Variants in RYR2 observed in about 807,000 individuals in gnomAD.
RYR2 encodes cardiac muscle ryanodine receptor-calcium release channel.
In RYR2, 227 loss-of-function variants were observed where a neutral mutation model predicts 601.1. The observed-to-expected ratio is 0.38, with a 90% CI of 0.34 to 0.42. RYR2 has a LOEUF of 0.42. RYR2 is among the 10% of genes least tolerant of loss of function. The pLI is 1.00. For missense variants in RYR2, 4,646 were observed against 6,156.5 expected, an observed-to-expected ratio of 0.75 and a Z score of 8.21; for synonymous variants, 2,223 against 2,175.1, an observed-to-expected ratio of 1.02 and a Z score of -0.61.
intron 2 of RYR2, among the ~76,000 whole-genome samples, chr1:237,316,388 A>G (rs1222561655): frequency 1.3e-5 from 2 of 152,186 alleles, no homozygotes; most frequent in South Asian, 2.1e-4. Context: ...AGAAAACTCA[A>G]TCCTTTATAG....
intron 65 of RYR2, among the ~76,000 whole-genome samples, 174 bp from the exon 66 acceptor site, chr1:237,701,804 C>T (rs1049239446): frequency 2.6e-5 from 4 of 151,978 alleles, no homozygotes; most frequent in Non-Finnish European, 5.9e-5. Context: ...TGGCTTGTTT[C>T]ACTGAAGATA....
intron 70 of RYR2, among the ~76,000 whole-genome samples, chr1:237,710,956 C>T (rs895302165): frequency 6.6e-6 from 1 of 152,154 alleles, no homozygotes; most frequent in Non-Finnish European, 1.5e-5. Flanking sequence ...TGGGTTACTT[C>T]ACTTAGAATG....
chr1:237,791,545 G>A, intron 93 of RYR2, 30 bp downstream of exon 93: 1 of 1,063,706 alleles, frequency 9.4e-7, no homozygotes, highest in Non-Finnish European at 1.4e-6. Context: ...TTAATTACTG[G>A]TATAAAACTC....
At chr1:237,283,171 T>C (rs79260891) in intron 2 of RYR2, among the ~76,000 whole-genome samples, 2,093 of 152,348 alleles carry the variant, frequency 0.014, 45 homozygotes, top group African/African-American at 0.046. Flanking sequence ...ATCTGTCAAA[T>C]GTTTTTTCCT....
chr1:237,441,677 T>A (rs1707914900), intron 13 of RYR2, among the ~76,000 whole-genome samples, 194 bp downstream of exon 13: 1 of 152,166 alleles, frequency 6.6e-6, no homozygotes, highest in Non-Finnish European at 1.5e-5. Flanking sequence ...ATCACTCATA[T>A]ATAGGATTAT....
chr1:237,267,475 G>A (rs151198706), intron 1 of RYR2: 27 of 173,524 alleles, frequency 1.6e-4, no homozygotes, highest in East Asian at 1.3e-3. Context: ...AGCTGGGATC[G>A]TGCAACTGCA....
chr1:237,724,535 G>C (rs1690042270), intron 74 of RYR2, among the ~76,000 whole-genome samples: 1 of 151,650 alleles, frequency 6.6e-6, no homozygotes. Context: ...AAGCTGTATG[G>C]CTATTAACAT....
intron 1 of RYR2, among the ~76,000 whole-genome samples, chr1:237,081,280 TAAAAAAAAAAAA>T (rs397815900): frequency 5.3e-5 from 3 of 56,262 alleles, no homozygotes; most frequent in Admixed American, 1.9e-4. Flanking sequence ...TAGAGTATAA[TAAAAAAAAAAAA>T]AAAAAAAAAA....
intron 72 of RYR2, among the ~76,000 whole-genome samples, chr1:237,718,193 A>G (rs571857265): frequency 2.6e-5 from 4 of 152,320 alleles, no homozygotes; most frequent in African/African-American, 9.6e-5. Flanking sequence ...AAAACATGCT[A>G]TGCCCCCTTC....
intron 48 of RYR2, among the ~76,000 whole-genome samples, chr1:237,643,741 T>C (rs986668343): frequency 2.6e-5 from 4 of 151,906 alleles, no homozygotes; most frequent in African/African-American, 9.7e-5. Context: ...GCCTCCCAAG[T>C]AGCTGGGACT....
chr1:237,199,980 T>G (rs1681001163), intron 1 of RYR2, among the ~76,000 whole-genome samples: 1 of 152,220 alleles, frequency 6.6e-6, no homozygotes, highest in African/African-American at 2.4e-5. Context: ...ATTTCTGTAG[T>G]ACTTGCTGTA....
chr1:237,124,229 T>C (rs189560525), intron 1 of RYR2, among the ~76,000 whole-genome samples: 13 of 152,282 alleles, frequency 8.5e-5, no homozygotes, highest in African/African-American at 3.1e-4. Flanking sequence ...GGAAAAGAAT[T>C]GTTGCTTATA....
intron 24 of RYR2, among the ~76,000 whole-genome samples, chr1:237,517,847 C>T (rs2147830935): frequency 6.6e-6 from 1 of 152,182 alleles, no homozygotes; most frequent in Non-Finnish European, 1.5e-5. Flanking sequence ...CAATCATGTA[C>T]CTAGTCCTCA....
At chr1:237,639,652 T>C (rs1431373625) in intron 46 of RYR2, among the ~76,000 whole-genome samples, 2 of 151,910 alleles carry the variant, frequency 1.3e-5, no homozygotes, top group African/African-American at 4.8e-5. Flanking sequence ...TTCTGAGGAG[T>C]GTGATGCTTT....
intron 9 of RYR2, among the ~76,000 whole-genome samples, chr1:237,387,663 T>C (rs1355515988): frequency 6.6e-6 from 1 of 152,232 alleles, no homozygotes; most frequent in Non-Finnish European, 1.5e-5. Flanking sequence ...TTCAATTTTT[T>C]GACCTCAGAG....
chr1:237,651,531 G>T, intron 51 of RYR2, 30 bp downstream of exon 51: 2 of 1,319,310 alleles, frequency 1.5e-6, no homozygotes, highest in South Asian at 2.6e-5. Context: ...GTAGATATTT[G>T]ATTACTGGCT....
chr1:237,635,412 T>C (rs1289032237), intron 44 of RYR2, among the ~76,000 whole-genome samples: 1 of 152,182 alleles, frequency 6.6e-6, no homozygotes, highest in African/African-American at 2.4e-5. Flanking sequence ...ACACTTCAGT[T>C]TTTAAAAAGG....
intron 80 of RYR2, among the ~76,000 whole-genome samples, chr1:237,752,141 A>G (rs753062062): frequency 2.0e-4 from 31 of 152,178 alleles, no homozygotes; most frequent in Non-Finnish European, 4.0e-4. Flanking sequence ...GTGTGGTTAA[A>G]ACAAAGAAAG....
chr1:237,795,355 C>T (rs752578313), intron 96 of RYR2, 24 bp downstream of exon 96: 10 of 1,265,482 alleles, frequency 7.9e-6, no homozygotes, highest in South Asian at 7.0e-5. Flanking sequence ...GAATCCTCTA[C>T]ATTTTTCTTA....
Sources: allele counts gnomAD v4.1 joint callset (sites outside exome capture counted in the v4.1 genomes callset), GRCh38; gene constraint gnomAD v4.1.1; transcripts MANE v1.5; gene names NCBI Gene and HGNC (gene_info 2026-07-23, HGNC 2026-07-21).